Variants in TMEM175 observed in about 807,000 individuals in gnomAD.
The protein encoded by TMEM175 is endosomal/lysosomal proton channel TMEM175.
Under a neutral mutation model 36.5 loss-of-function variants are expected in TMEM175, and 36 were observed. That is an observed-to-expected ratio of 0.99 (90% confidence interval 0.76 to 1.30). The LOEUF (loss-of-function observed/expected upper bound fraction) is 1.30. TMEM175 is among the 50% of genes most tolerant of loss of function. The probability of loss-of-function intolerance (pLI) is 0.00; values close to 1 mark genes in which losing one functional copy is unlikely to be tolerated. For missense variants in TMEM175, 705 were observed against 692.8 expected, an observed-to-expected ratio of 1.02 and a Z score of -0.20; for synonymous variants, 339 against 313.4, an observed-to-expected ratio of 1.08 and a Z score of -0.86.
At position 958,549 on chromosome 4, in the gene TMEM175, C is replaced by T; in HGVS notation, c.*53C>T. ...CTCACCAGAGATGGACCAGGGAGGA[C>T]AGGATGCTGGGCAGGGGAAGCCAAG... On this transcript the variant is annotated 3_prime_UTR_variant, in exon 11 of 11. Transcript: ENST00000264771. 3 of 1,408,808 alleles carry T rather than the reference C, an allele frequency of 2.1e-6. No individual in the cohort carries two copies. The highest frequency in any genetic ancestry group is 1.9e-6 in the Non-Finnish European group (2 of 1,069,376). The allele number at this position is 1,408,808 out of a possible 1,614,324, so 87.3% of individuals were successfully genotyped here. A position where few individuals can be genotyped will look rare whatever the true frequency, so the allele number is the denominator to read the frequency against.
chr4:955,048 C>T (rs1045659485), intron 8 of TMEM175, among the ~76,000 whole-genome samples: 11 of 152,108 alleles, frequency 7.2e-5, no homozygotes, highest in Non-Finnish European at 1.5e-4. Context: ...TGAGCTGGGT[C>T]ACCTCTCACT....
In TMEM175 at chr4:958,379, G is replaced by C. The variant is rs1423822737; in HGVS notation, c.1398G>C (p.Val466=). ...PCAFLLLRLL[V]GLALATLRVL... The stretch of plus-strand genomic sequence containing the variant: ...CCTTCCTGTTGCTGCGCCTGCTCGT[G>C]GGCCTGGCCCTGGCCACCCTGCGGG... Residue 466 remains valine (V), a synonymous_variant, in exon 11 of 11, where the codon GTG becomes GTC. Coordinates refer to ENST00000264771, the MANE Select transcript of TMEM175 (RefSeq NM_032326.4). The C allele has an allele frequency of 8.7e-6, 14 of 1,602,512 alleles. No homozygotes were observed. The highest frequency in any genetic ancestry group is 1.2e-5 in the Non-Finnish European group (14 of 1,179,732).
chr4:956,508 G>C (rs1369571048), intron 10 of TMEM175: 1 of 1,243,262 alleles, frequency 8.0e-7, no homozygotes, highest in African/African-American at 1.6e-5. Flanking sequence ...AGTGGCTCAA[G>C]CTCAGCTCAC....
chr4:957,399 A>G (rs943472314), intron 10 of TMEM175, among the ~76,000 whole-genome samples: 11 of 152,152 alleles, frequency 7.2e-5, no homozygotes, highest in Non-Finnish European at 1.5e-4. Flanking sequence ...CCGTGGAGGC[A>G]AGCCCTCTGC....
chr4:942,214 G>A (rs529276607), intron 1 of TMEM175, among the ~76,000 whole-genome samples: 76 of 151,636 alleles, frequency 5.0e-4, no homozygotes, highest in Non-Finnish European at 7.1e-4. Context: ...CTACAGGCAC[G>A]TGCAACCATG....
Position 953,819 on chromosome 4 carries a change from G to A in TMEM175, c.627+465G>A, listed in dbSNP as rs537704063. ...TCTCACCTCAGCCTCCCAAGTAGCT[G>A]GGACTACAGGTGTGCACCACCACAC... On this transcript the variant is annotated intron_variant, in intron 8 of 10. Transcript: ENST00000264771. 5.9e-5 allele frequency among the ~76,000 whole-genome samples: 9 copies of A among 152,268 alleles called. No individual in the cohort carries two copies. In the East Asian group the frequency reaches 1.5e-3, roughly 26 times the overall value.
chr4:953,564 G>A (rs886216721), intron 8 of TMEM175, among the ~76,000 whole-genome samples: 18 of 152,246 alleles, frequency 1.2e-4, no homozygotes, highest in African/African-American at 2.9e-4. Flanking sequence ...CCAGCCTGTC[G>A]AGGACAGAGA....
chr4:941,068 G>A (rs1052905621), intron 1 of TMEM175, among the ~76,000 whole-genome samples: 1 of 146,690 alleles, frequency 6.8e-6, no homozygotes, highest in Admixed American at 6.8e-5. Flanking sequence ...GGGGAAAGGG[G>A]GATGTGAAAG....
chr4:941,166 A>C (rs1037814095), intron 1 of TMEM175, among the ~76,000 whole-genome samples: 2 of 150,814 alleles, frequency 1.3e-5, no homozygotes, highest in Non-Finnish European at 3.0e-5. Flanking sequence ...TTACGAGGTC[A>C]GGAGTTCAAG....
chr4:946,415 T>A (rs1728146746), intron 1 of TMEM175, among the ~76,000 whole-genome samples: 1 of 151,968 alleles, frequency 6.6e-6, no homozygotes, highest in Non-Finnish European at 1.5e-5. Flanking sequence ...GTGAAATCCA[T>A]AGTGCCTGGT....
At chr4:949,722 C>T (rs569778644) in intron 3 of TMEM175, among the ~76,000 whole-genome samples, 230 of 151,688 alleles carry the variant, frequency 1.5e-3, no homozygotes, top group Middle Eastern at 6.9e-3. Flanking sequence ...GGCTGGAGGG[C>T]GAGGGCCCCG....
chr4:951,114 A>G (rs1728836244), intron 4 of TMEM175, 93 bp from the exon 5 acceptor site: 1 of 1,203,474 alleles, frequency 8.3e-7, no homozygotes, highest in African/African-American at 1.5e-5. Context: ...TCTTTTAATG[A>G]TGTTTTAACC....
chr4:948,402 C>G lies in TMEM175; in HGVS notation c.192+248C>G, dbSNP rs10516157. ...GACTGGGCTCCTAGGGCTCTGTTTC[C>G]GAGTTCAGTGGACAAAGGCAGCACC... On this transcript the variant is annotated intron_variant, in intron 3 of 10. Coordinates refer to ENST00000264771, the MANE Select transcript of TMEM175 (RefSeq NM_032326.4). 6.9e-3 allele frequency: 10,561 copies of G among 1,524,868 alleles called. 470 individuals carry two copies. In the South Asian group the frequency reaches 0.089, roughly 13 times the overall value. The allele number at this position is 1,524,868 out of a possible 1,614,324, so 94.5% of individuals were successfully genotyped here.
chr4:950,634 C>A, intron 4 of TMEM175, 116 bp downstream of exon 4: 1 of 787,356 alleles, frequency 1.3e-6, no homozygotes, highest in Non-Finnish European at 2.2e-6. Context: ...TCCTCCCACC[C>A]TCATCCGCGT....
chr4:941,376 CAAAAA>C (rs567941043), intron 1 of TMEM175, among the ~76,000 whole-genome samples: 4 of 104,866 alleles, frequency 3.8e-5, no homozygotes, highest in Admixed American at 1.1e-4. Context: ...AACTCTGTCT[CAAAAA>C]AAAAAAAAAA....
At chr4:939,984 A>G (rs1287378160) in intron 1 of TMEM175, among the ~76,000 whole-genome samples, 1 of 152,264 alleles carries the variant, frequency 6.6e-6, no homozygotes, top group Admixed American at 6.5e-5. Flanking sequence ...CTGTAAGTCC[A>G]TAACATAGGG....
intron 1 of TMEM175, among the ~76,000 whole-genome samples, chr4:938,280 G>T (rs1479118117): frequency 6.6e-6 from 1 of 152,196 alleles, no homozygotes; most frequent in Non-Finnish European, 1.5e-5. Context: ...GAGTCGGGTG[G>T]GTCACCTGAG....
chr4:945,568 A>G (rs544838291), intron 1 of TMEM175, among the ~76,000 whole-genome samples: 46 of 152,312 alleles, frequency 3.0e-4, no homozygotes, highest in Admixed American at 2.8e-3. Context: ...GCTGGAAACC[A>G]GTGAGCCTCT....
intron 1 of TMEM175, among the ~76,000 whole-genome samples, chr4:943,824 C>CA (rs1425735646): frequency 1.3e-5 from 2 of 152,206 alleles, no homozygotes; most frequent in Admixed American, 6.5e-5. Context: ...AAACAATACA[C>CA]ACGTTTTTCA....
Sources: allele counts gnomAD v4.1 joint callset (sites outside exome capture counted in the v4.1 genomes callset), GRCh38; gene constraint gnomAD v4.1.1; transcripts MANE v1.5; gene names NCBI Gene and HGNC (gene_info 2026-07-23, HGNC 2026-07-21).